CDH13: variants seen among roughly 807,000 people sequenced by gnomAD.
CDH13 encodes cadherin 13, also known as cadherin-13.
Under a neutral mutation model 63.8 loss-of-function variants are expected in CDH13, and 24 were observed. That is an observed-to-expected ratio of 0.38 (90% CI 0.27 to 0.53). The LOEUF (loss-of-function observed/expected upper bound fraction) is 0.53, where lower values mean the gene tolerates loss of function less well. CDH13 is among the 20% of genes least tolerant of loss of function. The probability of loss-of-function intolerance (pLI) is 0.85; values close to 1 mark genes in which losing one functional copy is unlikely to be tolerated. For synonymous variants in CDH13, 503 were observed against 355.3 expected (o/e 1.42, Z -4.67); for missense variants, 1,049 against 903.1 (o/e 1.16, Z -2.07).
chr16:82,628,806 G>C (rs1907667181), intron 1 of CDH13, among the ~76,000 whole-genome samples: 1 of 152,224 alleles, frequency 6.6e-6, no homozygotes, highest in Admixed American at 6.5e-5. Flanking sequence ...GCATGCCTCA[G>C]ACAGAAAGGA....
intron 6 of CDH13, among the ~76,000 whole-genome samples, chr16:83,391,473 G>C (rs915951248): frequency 6.6e-6 from 1 of 152,052 alleles, no homozygotes; most frequent in Non-Finnish European, 1.5e-5. Flanking sequence ...CAAAGTGCTG[G>C]GATTACAGGC....
At chr16:83,009,858 G>T (rs888760412) in intron 2 of CDH13, among the ~76,000 whole-genome samples, 4 of 152,188 alleles carry the variant, frequency 2.6e-5, no homozygotes, top group Non-Finnish European at 5.9e-5. Context: ...CTCAGGCCGG[G>T]TGCAGTGGCT....
intron 3 of CDH13, among the ~76,000 whole-genome samples, chr16:83,102,930 C>CT (rs71148812): frequency 0.81 from 79,713 of 97,974 alleles, 32,483 homozygotes; most frequent in East Asian, 0.93. Context: ...TTTTCTTTTT[C>CT]TTTTTTTTTT....
At chr16:83,728,265 C>T (rs1188033140) in intron 10 of CDH13, among the ~76,000 whole-genome samples, 1 of 151,988 alleles carries the variant, frequency 6.6e-6, no homozygotes, top group African/African-American at 2.4e-5. Flanking sequence ...GCTGACCCCA[C>T]AAGCCTGTGA....
intron 8 of CDH13, among the ~76,000 whole-genome samples, chr16:83,662,131 G>A (rs1396075138): frequency 6.6e-6 from 1 of 152,162 alleles, no homozygotes; most frequent in Non-Finnish European, 1.5e-5. Flanking sequence ...TTTTGGAGAG[G>A]ACTCTTCACT....
chr16:82,979,052 G>A (rs1366639289), intron 2 of CDH13, among the ~76,000 whole-genome samples: 3 of 152,198 alleles, frequency 2.0e-5, no homozygotes, highest in Non-Finnish European at 4.4e-5. Flanking sequence ...AGTCAAAGGG[G>A]ATTATTTTTG....
At chr16:82,717,923 A>G (rs1462287200) in intron 1 of CDH13, among the ~76,000 whole-genome samples, 1 of 152,188 alleles carries the variant, frequency 6.6e-6, no homozygotes, top group Non-Finnish European at 1.5e-5. Context: ...AACCAAGATG[A>G]GTTTCCTAAA....
intron 1 of CDH13, among the ~76,000 whole-genome samples, chr16:82,840,302 T>G (rs988157908): frequency 2.0e-5 from 3 of 150,998 alleles, no homozygotes; most frequent in African/African-American, 7.3e-5. Context: ...GAGACCAGCA[T>G]GAAGCCACCT....
intron 10 of CDH13, among the ~76,000 whole-genome samples, chr16:83,746,297 G>A (rs1912577719): frequency 6.6e-6 from 1 of 152,082 alleles, no homozygotes; most frequent in Non-Finnish European, 1.5e-5. Context: ...CTTGGTTTGT[G>A]GCCACATCAC....
chr16:83,502,641 C>T (rs7195427), intron 7 of CDH13, among the ~76,000 whole-genome samples: 6 of 152,046 alleles, frequency 3.9e-5, no homozygotes, highest in South Asian at 2.1e-4. Context: ...TTGAAAGAGA[C>T]GATGTGTGAA....
chr16:83,042,278 C>A (rs1429654629), intron 3 of CDH13, among the ~76,000 whole-genome samples: 1 of 152,312 alleles, frequency 6.6e-6, no homozygotes, highest in South Asian at 2.1e-4. Flanking sequence ...AGCCACTCCC[C>A]ATTCCCCACA....
intron 2 of CDH13, among the ~76,000 whole-genome samples, chr16:82,901,916 A>T (rs541596334): frequency 5.9e-5 from 9 of 152,316 alleles, no homozygotes; most frequent in Admixed American, 2.0e-4. Flanking sequence ...TTTCACACAA[A>T]CAATGCCTAA....
At chr16:82,712,040 T>C (rs1468136536) in intron 1 of CDH13, among the ~76,000 whole-genome samples, 1 of 152,210 alleles carries the variant, frequency 6.6e-6, no homozygotes, top group African/African-American at 2.4e-5. Flanking sequence ...CTGCATTTTA[T>C]ACTCCATACT....
chr16:82,833,173 A>C (rs1458228424), intron 1 of CDH13, among the ~76,000 whole-genome samples: 2 of 152,222 alleles, frequency 1.3e-5, no homozygotes, highest in African/African-American at 2.4e-5. Flanking sequence ...TCATCTAAAA[A>C]ACAAATGTTT....
chr16:83,112,279 C>G (rs2035093172), intron 3 of CDH13, among the ~76,000 whole-genome samples: 1 of 152,224 alleles, frequency 6.6e-6, no homozygotes, highest in Non-Finnish European at 1.5e-5. Flanking sequence ...GAAACCAATC[C>G]CGTTGGCAGG....
At chr16:83,004,586 C>G (rs180856759) in intron 2 of CDH13, among the ~76,000 whole-genome samples, 2 of 152,080 alleles carry the variant, frequency 1.3e-5, no homozygotes, top group African/African-American at 2.4e-5. Flanking sequence ...CAACGTGTGC[C>G]TCCCAGGTTC....
chr16:83,592,732 G>A (rs767591794), intron 7 of CDH13, among the ~76,000 whole-genome samples: 12 of 152,068 alleles, frequency 7.9e-5, no homozygotes, highest in African/African-American at 1.7e-4. Flanking sequence ...AGAAATGAGC[G>A]CTGCCTTCTC....
chr16:82,664,329 G>C (rs973193390), intron 1 of CDH13, among the ~76,000 whole-genome samples: 8 of 152,204 alleles, frequency 5.3e-5, no homozygotes, highest in African/African-American at 1.4e-4. Flanking sequence ...GTCTCTCCAG[G>C]CTCCTGACAG....
At position 83,040,181 on chromosome 16, in the gene CDH13, G is replaced by C. The variant is rs535065424; in HGVS notation, c.366+7963G>C. Among the ~76,000 whole-genome samples the C allele has an allele frequency of 1.9e-3, 294 of 151,976 alleles. 1 individual carries two copies. Among genetic ancestry groups the C allele is most frequent in the Middle Eastern group, 0.017 (5 of 294 alleles). ...GCTCCAGGTTCCTCAGCTGGAAAAG[G>C]GGTTCATAATTGTGTGAACCTCATG... On this transcript the variant is annotated intron_variant, in intron 3 of 13. Coordinates refer to ENST00000567109, the MANE Select transcript of CDH13 (RefSeq NM_001257.5).
Sources: gnomAD v4.1 joint callset for allele counts (sites outside exome capture counted in the v4.1 genomes callset) on GRCh38, gnomAD v4.1.1 for gene constraint, MANE v1.5 for transcripts, NCBI Gene and HGNC (gene_info 2026-07-23, HGNC 2026-07-21) for gene names.